The following SNAP47 variants were observed in gnomAD, a reference collection of about 807,000 sequenced individuals.
SNAP47 encodes synaptosome associated protein 47, also known as synaptosomal-associated protein 47.
A neutral mutation model predicts 31.4 loss-of-function variants in SNAP47; 20 were observed. That is an observed-to-expected ratio of 0.64 (90% confidence interval 0.45 to 0.93). The LOEUF (loss-of-function observed/expected upper bound fraction) is 0.93. Among genes scored for constraint, SNAP47 ranks in the 40% least tolerant of loss-of-function variants. The pLI, the probability that SNAP47 is intolerant of heterozygous loss-of-function variation, is 0.00. For synonymous variants in SNAP47, 194 were observed against 213.4 expected (o/e 0.91, Z 0.79); for missense variants, 492 against 528.5 (o/e 0.93, Z 0.68).
At chr1:227,777,812 G>A (rs1664249460) in intron 4 of SNAP47, among the ~76,000 whole-genome samples, 1 of 152,180 alleles carries the variant, frequency 6.6e-6, no homozygotes, top group Admixed American at 6.5e-5. Context: ...ATGTCCCAGG[G>A]CCCTGCCACC....
intron 1 of SNAP47, among the ~76,000 whole-genome samples, chr1:227,745,126 C>T (rs1661878057): frequency 6.6e-6 from 1 of 152,182 alleles, no homozygotes; most frequent in Admixed American, 6.5e-5. Context: ...TTCTGGTACA[C>T]CTGTCATGCA....
intron 4 of SNAP47, chr1:227,776,593 T>G (rs770588513): frequency 1.0e-6 from 1 of 985,506 alleles, no homozygotes; most frequent in Non-Finnish European, 1.2e-6. Flanking sequence ...TTCTAGGGTT[T>G]GGCCAGACTT....
At chr1:227,779,053 G>T (rs1664311322) in intron 4 of SNAP47, among the ~76,000 whole-genome samples, 1 of 152,236 alleles carries the variant, frequency 6.6e-6, no homozygotes, top group Non-Finnish European at 1.5e-5. Flanking sequence ...CTGCAGAGGG[G>T]CTGGGCAGCT....
At chr1:227,734,967 C>T (rs1469026563), upstream of SNAP47, 2 of 1,502,354 alleles carry the variant, frequency 1.3e-6, no homozygotes, top group Non-Finnish European at 1.8e-6. Context: ...GCCTGGGTCC[C>T]GCCGGCCTTT....
chr1:227,734,819 G>A (rs1268767555), upstream of SNAP47: 1 of 1,613,484 alleles, frequency 6.2e-7, no homozygotes, highest in African/African-American at 1.3e-5. Context: ...CACGTCTCCT[G>A]AAATGAAAGG....
At chr1:227,772,348 C>T (rs956141875) in intron 4 of SNAP47, among the ~76,000 whole-genome samples, 18 of 152,090 alleles carry the variant, frequency 1.2e-4, no homozygotes, top group East Asian at 3.9e-4. Context: ...CCCAGCCCCC[C>T]GCCCACCACT....
Position 227,780,985 on chromosome 1 carries a change from C to A in SNAP47, c.*312C>A. ...GGAAGAGGCCGCCCTCGTCTTGTCT[C>A]GGCTCCCTTTCATGGACAGACTGGC... On this transcript the variant is annotated 3_prime_UTR_variant, in exon 5 of 5. Coordinates refer to ENST00000617596, the MANE Select transcript of SNAP47 (RefSeq NM_053052.4). 2.7e-6 allele frequency: 1 copy of A among 364,586 alleles called. No homozygotes were observed. Among genetic ancestry groups the A allele is most frequent in the Non-Finnish European group, 5.1e-6 (1 of 198,012 alleles). 22.6% of individuals were successfully genotyped at this position (364,586 alleles called of 1,614,324 possible). A position where few individuals can be genotyped will look rare whatever the true frequency, so the allele number is the denominator to read the frequency against.
chr1:227,729,061 G>C (rs1660480381), intron 1 of SNAP47, among the ~76,000 whole-genome samples: 2 of 152,370 alleles, frequency 1.3e-5, no homozygotes, highest in Middle Eastern at 3.4e-3. Context: ...GGTCTATCTG[G>C]GGTGTGCGTC....
rs1034298621 is a variant in SNAP47, at chr1:227,748,199, G to A, written c.463G>A (p.Asp155Asn). 1 of 1,603,254 alleles carries A rather than the reference G, an allele frequency of 6.2e-7. No individual in the cohort carries two copies. Among genetic ancestry groups the A allele is most frequent in the Non-Finnish European group, 8.5e-7 (1 of 1,174,692 alleles). ...GCTGGACAGCGTCATGAGAGGCCTG[G>A]ACAAGATGGAGTCAGACCTGGAGGT... is the stretch of plus-strand genomic sequence containing the variant. ...QQLDSVMRGLDKMESDLEVAD... is the reference protein window; with the variant it reads ...QQLDSVMRGLNKMESDLEVAD... The change falls in exon 2 of 5, where the codon GAC (aspartate) becomes AAC (asparagine). Residue 155 changes from aspartate (D) to asparagine (N), a missense_variant. Coordinates refer to ENST00000617596, the MANE Select transcript of SNAP47 (RefSeq NM_053052.4).
rs555337065 is a variant in SNAP47, at chr1:227,762,861, C to T, written c.988+3376C>T. ...CCTCTGTCTCAGATTTTCTTGCAGT[C>T]GGCCTGGGCTGTGGTTTGGGAGGAA... On this transcript the variant is annotated intron_variant, in intron 3 of 4. Transcript: ENST00000617596. The surrounding 1 kb of genome is among the most constrained non-coding windows in gnomAD (Gnocchi z 4.2). Among the ~76,000 whole-genome samples the T allele has an allele frequency of 1.3e-5, 2 of 152,214 alleles. No homozygotes were observed. The highest frequency in any genetic ancestry group is 2.1e-4 in the South Asian group (1 of 4,824).
chr1:227,755,286 C>T (rs1188673066), intron 2 of SNAP47, among the ~76,000 whole-genome samples: 2 of 152,182 alleles, frequency 1.3e-5, no homozygotes, highest in Non-Finnish European at 2.9e-5. Context: ...TCATTCCAGC[C>T]TCCAACTCCT....
intron 3 of SNAP47, among the ~76,000 whole-genome samples, chr1:227,761,454 G>T (rs1394594573): frequency 1.3e-5 from 2 of 152,174 alleles, no homozygotes; most frequent in African/African-American, 4.8e-5. Context: ...GAGAGGCATT[G>T]ACCCCTATGG....
intron 4 of SNAP47, chr1:227,776,848 A>G: frequency 2.0e-6 from 2 of 985,446 alleles, no homozygotes; most frequent in Non-Finnish European, 2.4e-6. Flanking sequence ...TCAACAGGCT[A>G]TTTGGAATGA....
chr1:227,756,121 C>T (rs997339152), intron 2 of SNAP47, among the ~76,000 whole-genome samples: 5 of 152,232 alleles, frequency 3.3e-5, no homozygotes, highest in Admixed American at 6.5e-5. Flanking sequence ...GGCTGTGTCA[C>T]TGGTCATGGT....
chr1:227,770,430 A>C (rs1663725590), intron 4 of SNAP47: 1 of 152,700 alleles, frequency 6.5e-6, no homozygotes, highest in African/African-American at 2.4e-5. Context: ...CCCTCTGCCC[A>C]CTCCACAGCG....
chr1:227,734,190 T>TGGCGGGGGAGGG, upstream of SNAP47: 1 of 805,538 alleles, frequency 1.2e-6, no homozygotes, highest in Non-Finnish European at 1.9e-6. Flanking sequence ...CAGACGCTGC[T>TGGCGGGGGAGGG]GGCGGGGGAG....
rs1661590023 is a variant in SNAP47 at position 227,741,427 on chromosome 1, T to TG, written c.-46+5931dup. Among the ~76,000 whole-genome samples the TG allele has an allele frequency of 6.6e-6, 1 of 152,160 alleles. No homozygotes were observed. Among genetic ancestry groups the TG allele is most frequent in the African/African-American group, 2.4e-5 (1 of 41,422 alleles). On this transcript the variant is annotated intron_variant, in intron 1 of 4. Transcript: ENST00000617596. The surrounding 1 kb of genome is among the most constrained non-coding windows in gnomAD (Gnocchi z 4.2). ...ACTCTCAGCAAGGCCCCTTGGCTCA[T>TG]GGGCCAGGTCCAGCTACCACATTTT...
At position 227,758,574 on chromosome 1, in the gene SNAP47, G is replaced by T. The variant is rs143799506; in HGVS notation, c.498-421G>T. Among the ~76,000 whole-genome samples the T allele has an allele frequency of 5.0e-3, 768 of 152,324 alleles. 6 individuals are homozygous for T. Among genetic ancestry groups the T allele is most frequent in the Middle Eastern group, 0.017 (5 of 294 alleles). ...GGGCCTGCTAGGCAGAGCTTCAGTT[G>T]TCACGTGTGCCTGCTACAGTATGGA... On this transcript the variant is annotated intron_variant, in intron 2 of 4. Coordinates refer to ENST00000617596, the MANE Select transcript of SNAP47 (RefSeq NM_053052.4).
chr1:227,747,659 G>A, intron 1 of SNAP47, 33 bp from the exon 2 acceptor site: 1 of 1,549,714 alleles, frequency 6.5e-7, no homozygotes, highest in East Asian at 2.3e-5. Flanking sequence ...GTCCATGGGT[G>A]ACGGCAGAAC....
Sources: gnomAD v4.1 joint callset for allele counts (sites outside exome capture counted in the v4.1 genomes callset) on GRCh38, gnomAD v4.1.1 for gene constraint, Gnocchi (gnomAD v3.1) non-coding constraint, MANE v1.5 for transcripts, NCBI Gene and HGNC (gene_info 2026-07-23, HGNC 2026-07-21) for gene names.